Variants in ZNF423 observed in about 807,000 individuals in gnomAD.
ZNF423 encodes Ebf-associated zinc finger protein.
Under a neutral mutation model 95.8 loss-of-function variants are expected in ZNF423, and 12 were observed. The observed-to-expected ratio is 0.13, with a 90% CI of 0.08 to 0.20. The LOEUF (loss-of-function observed/expected upper bound fraction) is 0.20, where lower values mean the gene tolerates loss of function less well. Ranked by LOEUF, ZNF423 falls within the 10% of genes least tolerant of loss-of-function variation. ZNF423 has a pLI of 1.00. For synonymous variants in ZNF423, 749 were observed against 711.9 expected, an observed-to-expected ratio of 1.05 and a Z score of -0.83; for missense variants, 1,316 against 1,737.1, an observed-to-expected ratio of 0.76 and a Z score of 4.31.
intron 3 of ZNF423, among the ~76,000 whole-genome samples, chr16:49,659,416 C>T (rs569136419): frequency 2.6e-5 from 4 of 152,314 alleles, no homozygotes; most frequent in Admixed American, 6.5e-5. Context: ...TGCATTTAAG[C>T]CACACATAAT....
intron 1 of ZNF423, among the ~76,000 whole-genome samples, chr16:49,820,120 AGACG>A (rs1321837764): frequency 6.6e-6 from 1 of 152,068 alleles, no homozygotes; most frequent in Non-Finnish European, 1.5e-5. Context: ...ATGGATGGAC[AGACG>A]GACGGACGGA....
intron 5 of ZNF423, among the ~76,000 whole-genome samples, chr16:49,557,434 G>A (rs562545083): frequency 7.2e-5 from 11 of 152,294 alleles, no homozygotes; most frequent in South Asian, 2.1e-4. Flanking sequence ...AGGAACTCCC[G>A]GGGCCACCAG....
chr16:49,585,377 A>T (rs924503264), intron 5 of ZNF423, among the ~76,000 whole-genome samples: 3 of 152,074 alleles, frequency 2.0e-5, no homozygotes, highest in South Asian at 2.1e-4. Context: ...CTCAAGTCCC[A>T]CAGCTACCAA....
At chr16:49,727,849 A>G (rs2143350880) in intron 3 of ZNF423, among the ~76,000 whole-genome samples, 1 of 152,332 alleles carries the variant, frequency 6.6e-6, no homozygotes, top group Non-Finnish European at 1.5e-5. Context: ...CCTCTCGGAC[A>G]CGGTCTCTAT....
intron 2 of ZNF423, among the ~76,000 whole-genome samples, chr16:49,762,236 T>C (rs1049560678): frequency 6.6e-6 from 1 of 152,168 alleles, no homozygotes; most frequent in African/African-American, 2.4e-5. Flanking sequence ...TGCCTGTGAA[T>C]CTCAATCCCC....
upstream of ZNF423, among the ~76,000 whole-genome samples, chr16:49,856,655 G>A (rs2035374025): frequency 6.7e-6 from 1 of 150,170 alleles, no homozygotes; most frequent in Non-Finnish European, 1.5e-5. Context: ...CTCTCGGATC[G>A]GCCCGGCGCC....
At chr16:49,524,989 C>T (rs1968545821) in intron 6 of ZNF423, among the ~76,000 whole-genome samples, 1 of 152,178 alleles carries the variant, frequency 6.6e-6, no homozygotes, top group Non-Finnish European at 1.5e-5. Flanking sequence ...GCTGGGAGCC[C>T]CAGAAGTGCT....
At chr16:49,551,741 G>T (rs1049357040) in intron 5 of ZNF423, among the ~76,000 whole-genome samples, 2 of 152,204 alleles carry the variant, frequency 1.3e-5, no homozygotes, top group Non-Finnish European at 2.9e-5. Context: ...GAGCCAGAGT[G>T]GGTGGGGGCT....
chr16:49,577,354 C>T (rs1970531510), intron 5 of ZNF423, among the ~76,000 whole-genome samples: 1 of 152,156 alleles, frequency 6.6e-6, no homozygotes, highest in African/African-American at 2.4e-5. Context: ...CCGTTATCAT[C>T]ACCGTTTTAC....
At chr16:49,600,810 G>C (rs1333982172) in intron 5 of ZNF423, among the ~76,000 whole-genome samples, 2 of 152,164 alleles carry the variant, frequency 1.3e-5, no homozygotes, top group African/African-American at 4.8e-5. Flanking sequence ...CGACACCAAA[G>C]ATACTAATGA....
In ZNF423 at chr16:49,637,526, A is replaced by T. The variant is rs1297601559; in HGVS notation, c.1650T>A (p.Ser550Arg). The T allele has an allele frequency of 3.1e-6, 5 of 1,614,020 alleles. No individual in the cohort carries two copies. The South Asian group carries it at 5.5e-5, about 18-fold the overall frequency. The part of the protein sequence containing the change: ...LTEHIQQAHC[S>R]VGSAKLESPV... ...GAGACTCTAGTTTGGCACTGCCCAC[A>T]CTGCAGTGGGCCTGCTGGATGTGCT... The change falls in exon 4 of 8, where the codon AGT becomes AGA. Residue 550 changes from serine (S) to arginine (R), a missense_variant. Physicochemically the swap from Ser to Arg is moderately radical, Grantham distance 110. Coordinates refer to ENST00000563137, the MANE Select transcript of ZNF423 (RefSeq NM_001379286.1). The surrounding 1 kb of genome is among the most constrained non-coding windows in gnomAD (Gnocchi z 5.6).
intron 3 of ZNF423, among the ~76,000 whole-genome samples, chr16:49,684,705 G>T (rs1045437545): frequency 2.6e-5 from 4 of 152,188 alleles, no homozygotes; most frequent in African/African-American, 9.7e-5. Context: ...TCATGTAGGG[G>T]GTGGAACCCG....
intron 5 of ZNF423, among the ~76,000 whole-genome samples, chr16:49,613,107 A>G (rs1408953780): frequency 6.6e-6 from 1 of 152,192 alleles, no homozygotes; most frequent in African/African-American, 2.4e-5. Flanking sequence ...CCCCAAATCA[A>G]TATACACATT....
chr16:49,783,825 C>A (rs1322653082), intron 2 of ZNF423, among the ~76,000 whole-genome samples: 1 of 151,980 alleles, frequency 6.6e-6, no homozygotes, highest in East Asian at 1.9e-4. Context: ...TAAAAATTAG[C>A]TGGGCGTGAT....
chr16:49,776,120 T>C (rs1416641392), intron 2 of ZNF423, among the ~76,000 whole-genome samples: 1 of 152,068 alleles, frequency 6.6e-6, no homozygotes, highest in Non-Finnish European at 1.5e-5. Flanking sequence ...ATGAAGATGG[T>C]GGGAGCACAT....
upstream of ZNF423, chr16:49,856,248 TC>T (rs2035368850): frequency 8.2e-6 from 1 of 121,964 alleles, no homozygotes; most frequent in Non-Finnish European, 1.7e-5. Context: ...CTCCTTCTCC[TC>T]CTCCTCCGCC....
At chr16:49,746,512 C>G (rs1310397319) in intron 2 of ZNF423, among the ~76,000 whole-genome samples, 1 of 152,156 alleles carries the variant, frequency 6.6e-6, no homozygotes, top group East Asian at 1.9e-4. Flanking sequence ...GAATCTTGCT[C>G]TGTCACCCTG....
At chr16:49,851,247 T>C (rs2035298610) in intron 1 of ZNF423, among the ~76,000 whole-genome samples, 3 of 152,164 alleles carry the variant, frequency 2.0e-5, no homozygotes, top group Admixed American at 2.0e-4. Flanking sequence ...GTCCTAACAC[T>C]GCCTTGAAAA....
In ZNF423 at chr16:49,491,542, C is replaced by CTTT. The variant is rs35641691; in HGVS notation, c.3850-241_3850-239dup. ...GGACTCCCTATATGTTGTTTTTTGG[C>CTTT]TTTTTTTTTTTTTTTTTTTTTAAAG... On this transcript the variant is annotated intron_variant, in intron 7 of 7. Transcript: ENST00000563137. 4.1e-3 allele frequency among the ~76,000 whole-genome samples: 451 copies of CTTT among 111,182 alleles called. 7 individuals carry two copies. The highest frequency in any genetic ancestry group is 8.2e-3 in the African/African-American group (230 of 28,016). The allele number at this position is 111,182 out of a possible 152,430, so 72.9% of individuals were successfully genotyped here. A position where few individuals can be genotyped will look rare whatever the true frequency, so the allele number is the denominator to read the frequency against.
Sources: gnomAD v4.1 joint callset for allele counts (sites outside exome capture counted in the v4.1 genomes callset) on GRCh38, gnomAD v4.1.1 for gene constraint, Gnocchi (gnomAD v3.1) non-coding constraint, MANE v1.5 for transcripts, NCBI Gene and HGNC (gene_info 2026-07-23, HGNC 2026-07-21) for gene names.